MALRD1: variants seen among roughly 807,000 people sequenced by gnomAD.
MALRD1 encodes the protein MAM and LDL-receptor class A domain-containing protein 1.
Under a neutral mutation model 242.1 loss-of-function variants are expected in MALRD1, and 247 were observed. That is an observed-to-expected ratio of 1.02 (90% CI 0.92 to 1.13). The LOEUF (loss-of-function observed/expected upper bound fraction) is 1.13, where lower values mean the gene tolerates loss of function less well. MALRD1 is among the 50% of genes most tolerant of loss of function. The probability of loss-of-function intolerance (pLI) is 0.00; values close to 1 mark genes in which losing one functional copy is unlikely to be tolerated. For missense variants in MALRD1, 2,989 were observed against 2,533.1 expected (o/e 1.18, Z -3.86); for synonymous variants, 995 against 866.6 (o/e 1.15, Z -2.60).
In MALRD1 at chr10:19,567,502, G is replaced by T. The variant is rs1300864248; in HGVS notation, c.5479G>T (p.Val1827Leu). 1.9e-6 allele frequency: 3 copies of T among 1,549,884 alleles called. No homozygotes were observed. The highest frequency in any genetic ancestry group is 1.2e-5 in the South Asian group (1 of 84,044). ...IDPRSMGILK[V>L]YTIEESGLNI... The stretch of plus-strand genomic sequence containing the variant: ...AGTTATTTTTTAATGATTTTTAAAG[G>T]TGTATACCATTGAAGAATCGGGGCT... The change falls in exon 33 of 40, where the codon GTG (valine) becomes TTG (leucine). Residue 1827 changes from valine to leucine, a missense_variant and splice_region_variant. Transcript: ENST00000454679.
At chr10:19,120,625 G>C (rs1313355585) in intron 5 of MALRD1, among the ~76,000 whole-genome samples, 1 of 152,164 alleles carries the variant, frequency 6.6e-6, no homozygotes, top group South Asian at 2.1e-4. Flanking sequence ...GCCAGGGTAG[G>C]GGGAGAAGAG....
intron 4 of MALRD1, among the ~76,000 whole-genome samples, chr10:19,094,038 T>C (rs1298546690): frequency 9.3e-6 from 1 of 107,242 alleles, no homozygotes; most frequent in Non-Finnish European, 1.9e-5. Context: ...GTTACTGCTG[T>C]CTTTTTGTTT....
chr10:19,082,964 G>A (rs1489146996), intron 2 of MALRD1, among the ~76,000 whole-genome samples: 2 of 152,016 alleles, frequency 1.3e-5, no homozygotes, highest in Non-Finnish European at 2.9e-5. Flanking sequence ...TCTGATGAAG[G>A]ACGACTTCCT....
chr10:19,251,164 A>G (rs542077993), intron 18 of MALRD1, among the ~76,000 whole-genome samples: 17 of 152,110 alleles, frequency 1.1e-4, no homozygotes, highest in African/African-American at 4.1e-4. Flanking sequence ...ACATTAGAAA[A>G]GAATTAAGGG....
intron 36 of MALRD1, among the ~76,000 whole-genome samples, chr10:19,688,339 G>A (rs113329593): frequency 2.0e-4 from 31 of 152,104 alleles, no homozygotes; most frequent in South Asian, 1.7e-3. Context: ...CATAGCTCCC[G>A]GCAGCCTCCA....
In MALRD1 at chr10:19,209,726, T is replaced by C. The variant is rs183537693; in HGVS notation, c.2991+46T>C. 2,219 of 1,453,506 alleles carry C rather than the reference T, an allele frequency of 1.5e-3. 2 individuals are homozygous for C. Among genetic ancestry groups the C allele is most frequent in the Non-Finnish European group, 1.9e-3 (2,050 of 1,092,242 alleles). The allele number at this position is 1,453,506 out of a possible 1,614,324, so 90.0% of individuals were successfully genotyped here. A position where few individuals can be genotyped will look rare whatever the true frequency, so the allele number is the denominator to read the frequency against. On this transcript the variant is annotated intron_variant, in intron 18 of 39. Coordinates refer to ENST00000454679, the MANE Select transcript of MALRD1 (RefSeq NM_001142308.3). Reference sequence around the variant, plus strand: ...AATGTACATTTGAAATGCATCTGAATGTCTAAGGAATATGAAAGATCGCTG... The same window carrying C: ...AATGTACATTTGAAATGCATCTGAACGTCTAAGGAATATGAAAGATCGCTG...
rs188309296 is a variant in MALRD1, at chr10:19,645,755, C to T, written c.6137+29832C>T. Among the ~76,000 whole-genome samples, 29 of 152,200 alleles carry T rather than the reference C, an allele frequency of 1.9e-4. No individual in the cohort carries two copies. In the East Asian group the frequency reaches 5.0e-3, roughly 26 times the overall value. On this transcript the variant is annotated intron_variant, in intron 36 of 39. Coordinates refer to ENST00000454679, the MANE Select transcript of MALRD1 (RefSeq NM_001142308.3). ...GGGTGGGAGGAGGGGGGAGGGATAG[C>T]ATTTGGAGATATACCTAATGCTAAA...
rs115250416 is a variant in MALRD1, at chr10:19,100,413, C to A, written c.598-3566C>A. 6.3e-3 allele frequency among the ~76,000 whole-genome samples: 958 copies of A among 151,888 alleles called. 9 individuals carry two copies. The highest frequency in any genetic ancestry group is 0.02 in the African/African-American group (832 of 41,268). On this transcript the variant is annotated intron_variant, in intron 4 of 39. Transcript: ENST00000454679. ...GCAAACTCTAATAAGGAGAGGATTA[C>A]AGCAAGAAAGTAATTTAAAAGCTGC... is the stretch of plus-strand genomic sequence containing the variant.
intron 38 of MALRD1, among the ~76,000 whole-genome samples, chr10:19,695,244 A>G (rs1833318905): frequency 6.6e-6 from 1 of 152,064 alleles, no homozygotes. Context: ...ATATATATGA[A>G]ATATTTATAT....
intron 28 of MALRD1, among the ~76,000 whole-genome samples, chr10:19,445,058 A>T (rs1389207243): frequency 3.3e-5 from 5 of 151,772 alleles, no homozygotes; most frequent in Non-Finnish European, 5.9e-5. Flanking sequence ...CATTCATTTG[A>T]TCTTCAGTCA....
chr10:19,554,883 G>T (rs1265119409), intron 32 of MALRD1, among the ~76,000 whole-genome samples: 3 of 152,092 alleles, frequency 2.0e-5, no homozygotes, highest in African/African-American at 7.2e-5. Flanking sequence ...GTAATAGAAT[G>T]ATTTATATTC....
chr10:19,096,303 C>T (rs746186161), intron 4 of MALRD1, among the ~76,000 whole-genome samples: 33 of 152,082 alleles, frequency 2.2e-4, no homozygotes, highest in Non-Finnish European at 3.7e-4. Context: ...CAGGGTGATT[C>T]GGCTGTAGCT....
rs1235987095 is a variant in MALRD1, at chr10:19,259,438, A to T, written c.3079+1667A>T. On this transcript the variant is annotated intron_variant, in intron 19 of 39. Coordinates refer to ENST00000454679, the MANE Select transcript of MALRD1 (RefSeq NM_001142308.3). ...TCTACATGGCTGTGAGGGCCTCACA[A>T]TCATGGCAGAAGGTGAAGGAGGAGC... is the stretch of plus-strand genomic sequence containing the variant. Among the ~76,000 whole-genome samples, 6 of 152,178 alleles carry T rather than the reference A, an allele frequency of 3.9e-5. No individual in the cohort carries two copies. The East Asian group carries it at 1.2e-3, about 29-fold the overall frequency.
intron 28 of MALRD1, among the ~76,000 whole-genome samples, chr10:19,412,456 G>A (rs1250880067): frequency 2.6e-5 from 4 of 152,190 alleles, no homozygotes; most frequent in South Asian, 2.1e-4. Context: ...CAGGAATCTT[G>A]TATGGGGGCT....
At chr10:19,062,761 G>A (rs1377318103) in intron 1 of MALRD1, among the ~76,000 whole-genome samples, 1 of 152,148 alleles carries the variant, frequency 6.6e-6, no homozygotes, top group Non-Finnish European at 1.5e-5. Context: ...TGTTTAATGG[G>A]TACAAATTTC....
intron 13 of MALRD1, among the ~76,000 whole-genome samples, chr10:19,173,604 A>C (rs769988632): frequency 1.3e-5 from 2 of 152,156 alleles, no homozygotes; most frequent in Non-Finnish European, 2.9e-5. Flanking sequence ...TTCTCTTAAA[A>C]TCTTATACTC....
chr10:19,611,031 C>T (rs747676175), intron 35 of MALRD1, among the ~76,000 whole-genome samples: 6 of 151,770 alleles, frequency 4.0e-5, no homozygotes, highest in African/African-American at 9.7e-5. Context: ...AACTAGGTTT[C>T]ATAGGCAATG....
At chr10:19,503,969 A>C (rs559687565) in intron 31 of MALRD1, among the ~76,000 whole-genome samples, 10 of 152,346 alleles carry the variant, frequency 6.6e-5, no homozygotes, top group Non-Finnish European at 1.5e-4. Flanking sequence ...AAGAGCATAC[A>C]AGCTTACTAT....
At chr10:19,069,003 A>C (rs1313023688) in intron 2 of MALRD1, among the ~76,000 whole-genome samples, 3 of 152,118 alleles carry the variant, frequency 2.0e-5, no homozygotes, top group Non-Finnish European at 4.4e-5. Flanking sequence ...TAGTACTACA[A>C]CAAAATCAAA....
Sources: allele counts gnomAD v4.1 joint callset (sites outside exome capture counted in the v4.1 genomes callset), GRCh38; gene constraint gnomAD v4.1.1; transcripts MANE v1.5; gene names NCBI Gene and HGNC (gene_info 2026-07-23, HGNC 2026-07-21).